The following MRRF variants were observed in gnomAD, a reference collection of about 807,000 sequenced individuals.
The protein encoded by MRRF is ribosome-recycling factor, mitochondrial.
Under a neutral mutation model 25.1 loss-of-function variants are expected in MRRF, and 18 were observed. That is an observed-to-expected ratio of 0.72 (90% confidence interval 0.50 to 1.06). The LOEUF is 1.06. MRRF is among the 50% of genes least tolerant of loss of function. The probability of loss-of-function intolerance (pLI) is 0.00; values close to 1 mark genes in which losing one functional copy is unlikely to be tolerated. For synonymous variants in MRRF, 113 were observed against 112.1 expected, an observed-to-expected ratio of 1.01 and a Z score of -0.05; for missense variants, 323 against 319.3, an observed-to-expected ratio of 1.01 and a Z score of -0.09.
intron 4 of MRRF, among the ~76,000 whole-genome samples, chr9:122,291,210 A>G (rs1486851287): frequency 6.6e-6 from 1 of 152,208 alleles, no homozygotes; most frequent in Non-Finnish European, 1.5e-5. Flanking sequence ...GCTTTAAGCT[A>G]GTATACCACA....
At chr9:122,265,175 G>C (rs1463826908) in intron 1 of MRRF, among the ~76,000 whole-genome samples, 4 of 152,190 alleles carry the variant, frequency 2.6e-5, no homozygotes, top group African/African-American at 7.2e-5. Context: ...ACTTACTAAA[G>C]AGTAGCCGCA....
At chr9:122,319,393 G>A (rs187188500) in intron 6 of MRRF, among the ~76,000 whole-genome samples, 120 of 151,986 alleles carry the variant, frequency 7.9e-4, no homozygotes, top group Non-Finnish European at 1.4e-3. Context: ...CTTGTGATCC[G>A]CCTGCCTTGG....
Position 122,306,042 on chromosome 9 carries a change from G to A in MRRF, c.552-7185G>A, listed in dbSNP as rs111580211. On this transcript the variant is annotated intron_variant, in intron 5 of 6. Coordinates refer to ENST00000344641, the MANE Select transcript of MRRF (RefSeq NM_138777.5). ...AAGTCACAGAGGAATGGGTTTTTTT[G>A]TGCCCAGTGTTACACAGTTAATAAG... is the stretch of plus-strand genomic sequence containing the variant. Among the ~76,000 whole-genome samples the A allele has an allele frequency of 7.7e-3, 1,171 of 152,146 alleles. 9 individuals are homozygous for A. Among genetic ancestry groups the A allele is most frequent in the African/African-American group, 0.027 (1,129 of 41,522 alleles).
chr9:122,290,614 A>G (rs1404547435), intron 4 of MRRF, among the ~76,000 whole-genome samples: 1 of 152,240 alleles, frequency 6.6e-6, no homozygotes, highest in Non-Finnish European at 1.5e-5. Flanking sequence ...CATTTAAATT[A>G]GAAAGTCTAG....
At position 122,276,959 on chromosome 9, in the gene MRRF, CA is replaced by C. The variant is rs534093820; in HGVS notation, c.185-3482del. On this transcript the variant is annotated intron_variant, in intron 2 of 6. Transcript: ENST00000344641. ...CACTGCAACCTTAATCTTCTGGGCT[CA>C]ACTGATTCTCCTACCTCAGCCTCCC... Among the ~76,000 whole-genome samples, 64 of 152,290 alleles carry C rather than the reference CA, an allele frequency of 4.2e-4. 1 individual carries two copies. Among genetic ancestry groups the C allele is most frequent in the African/African-American group, 1.4e-3 (60 of 41,560 alleles).
chr9:122,285,499 A>G, intron 4 of MRRF: 1 of 558,322 alleles, frequency 1.8e-6, no homozygotes, highest in South Asian at 1.9e-5. Flanking sequence ...AGTTGTTTGA[A>G]TACCCAAACG....
At chr9:122,285,937 A>C in intron 4 of MRRF, 2 of 1,301,942 alleles carry the variant, frequency 1.5e-6, no homozygotes, top group Non-Finnish European at 2.0e-6. Flanking sequence ...AGTGCTTCCA[A>C]AACTGGAAGG....
intron 1 of MRRF, among the ~76,000 whole-genome samples, chr9:122,268,141 A>G (rs1832234463): frequency 6.6e-6 from 1 of 152,246 alleles, no homozygotes; most frequent in Non-Finnish European, 1.5e-5. Context: ...GACTGCTTTT[A>G]TTGAACTTCC....
chr9:122,300,733 C>A (rs1176556721), intron 5 of MRRF, among the ~76,000 whole-genome samples: 1 of 152,124 alleles, frequency 6.6e-6, no homozygotes, highest in Non-Finnish European at 1.5e-5. Flanking sequence ...TCTTTTCCTG[C>A]ATTTTTACAG....
In MRRF at chr9:122,325,631, G is replaced by GGTGTGTGTGTGTGTGTGTGTGT. The variant is rs35981240; in HGVS notation, c.*3047_*3068dup. The GGTGTGTGTGTGTGTGTGTGTGT allele has an allele frequency of 1.0e-4, 12 of 116,628 alleles. No individual in the cohort carries two copies. Among genetic ancestry groups the GGTGTGTGTGTGTGTGTGTGTGT allele is most frequent in the African/African-American group, 2.4e-4 (7 of 29,052 alleles). 7.2% of individuals were successfully genotyped at this position (116,628 alleles called of 1,614,324 possible). ...GAATTTGAGAATTTTTTTCCTGTCT[G>GGTGTGTGTGTGTGTGTGTGTGT]GTGTGTGTGTGTGTGTGTGTGTGTG... On this transcript the variant is annotated 3_prime_UTR_variant, in exon 7 of 7. Transcript: ENST00000344641.
chr9:122,299,721 G>A (rs990584862), intron 5 of MRRF, among the ~76,000 whole-genome samples: 8 of 152,102 alleles, frequency 5.3e-5, no homozygotes, highest in Non-Finnish European at 2.9e-5. Flanking sequence ...TGAGGTAGGA[G>A]GAGAACTAGG....
intron 4 of MRRF, among the ~76,000 whole-genome samples, chr9:122,288,330 G>A (rs1833543586): frequency 6.6e-6 from 1 of 152,184 alleles, no homozygotes. Flanking sequence ...TTGATTGTCT[G>A]CTTTGTTGCT....
chr9:122,280,040 T>G (rs752252990), intron 2 of MRRF, among the ~76,000 whole-genome samples: 1 of 152,222 alleles, frequency 6.6e-6, no homozygotes, highest in South Asian at 2.1e-4. Context: ...AATTTAGTTA[T>G]GGATTCCCTG....
intron 2 of MRRF, among the ~76,000 whole-genome samples, chr9:122,271,500 G>A (rs1160465874): frequency 6.6e-6 from 1 of 152,148 alleles, no homozygotes; most frequent in Non-Finnish European, 1.5e-5. Context: ...GATCTTAATG[G>A]CTTGTGTCAT....
intron 6 of MRRF, 21 bp downstream of exon 6, chr9:122,313,407 G>A: frequency 3.1e-6 from 5 of 1,612,210 alleles, no homozygotes; most frequent in Non-Finnish European, 3.4e-6. Context: ...CAGCAATGTA[G>A]TAGTGTCTGT....
intron 3 of MRRF, among the ~76,000 whole-genome samples, 153 bp downstream of exon 3, chr9:122,280,751 T>C (rs1833055180): frequency 2.0e-5 from 3 of 152,232 alleles, no homozygotes; most frequent in African/African-American, 7.2e-5. Flanking sequence ...TGTTTGATTC[T>C]TAACTTACAG....
intron 5 of MRRF, among the ~76,000 whole-genome samples, chr9:122,296,897 C>T (rs529503850): frequency 1.3e-5 from 2 of 152,208 alleles, no homozygotes; most frequent in Non-Finnish European, 2.9e-5. Context: ...ACTATGAATT[C>T]ACCCAGGAAA....
intron 6 of MRRF, among the ~76,000 whole-genome samples, chr9:122,318,434 A>G (rs1171663370): frequency 6.6e-6 from 1 of 152,250 alleles, no homozygotes; most frequent in Admixed American, 6.5e-5. Context: ...CCTGAGAAAC[A>G]GTGCTGCTCT....
chr9:122,265,856 T>C (rs963517106), intron 1 of MRRF: 38 of 861,780 alleles, frequency 4.4e-5, no homozygotes, highest in Non-Finnish European at 5.7e-5. Context: ...GTCTCATTCC[T>C]TCTTTGGCCG....
Sources: gnomAD v4.1 joint callset for allele counts (sites outside exome capture counted in the v4.1 genomes callset) on GRCh38, gnomAD v4.1.1 for gene constraint, MANE v1.5 for transcripts, NCBI Gene and HGNC (gene_info 2026-07-23, HGNC 2026-07-21) for gene names.